WDR33: variants seen among roughly 807,000 people sequenced by gnomAD.
WDR33 encodes pre-mRNA 3' end processing protein WDR33.
WDR33 carries 47 observed loss-of-function variants against 164.9 expected under a neutral mutation model. The observed-to-expected ratio is 0.29, with a 90% CI of 0.23 to 0.36. WDR33 has a LOEUF of 0.36. Among genes scored for constraint, WDR33 ranks in the 10% least tolerant of loss-of-function variants. The pLI is 1.00. For missense variants in WDR33, 1,137 were observed against 1,754.1 expected, an observed-to-expected ratio of 0.65 and a Z score of 6.28; for synonymous variants, 505 against 589.0, an observed-to-expected ratio of 0.86 and a Z score of 2.06.
At position 127,703,949 on chromosome 2, in the gene WDR33, C is replaced by T. The variant is rs1384769248; in HGVS notation, c.*2374G>A. ...CCTGGGCAACACAGTTAAACCCCAT[C>T]GCCACAGAAAATCTTCAAAAAATTT... On this transcript the variant is annotated 3_prime_UTR_variant, in exon 22 of 22. Coordinates refer to ENST00000322313, the MANE Select transcript of WDR33 (RefSeq NM_018383.5). 6.0e-6 allele frequency: 1 copy of T among 166,768 alleles called. No homozygotes were observed. Among genetic ancestry groups the T allele is most frequent in the African/African-American group, 2.4e-5 (1 of 41,380 alleles). The allele number at this position is 166,768 out of a possible 1,614,324, so 10.3% of individuals were successfully genotyped here. A position where few individuals can be genotyped will look rare whatever the true frequency, so the allele number is the denominator to read the frequency against.
chr2:127,731,027 C>A (rs183883815), intron 7 of WDR33, among the ~76,000 whole-genome samples: 1 of 151,680 alleles, frequency 6.6e-6, no homozygotes, highest in Non-Finnish European at 1.5e-5. Flanking sequence ...GGCACGGTGG[C>A]GCATGCCTGT....
At chr2:127,760,986 C>T (rs1456826015) in intron 7 of WDR33, among the ~76,000 whole-genome samples, 1 of 152,132 alleles carries the variant, frequency 6.6e-6, no homozygotes, top group Non-Finnish European at 1.5e-5. Context: ...AAATACTTAA[C>T]TGCTAGTTAA....
chr2:127,760,529 A>G (rs1446324081), intron 7 of WDR33, among the ~76,000 whole-genome samples: 1 of 152,156 alleles, frequency 6.6e-6, no homozygotes, highest in Non-Finnish European at 1.5e-5. Context: ...ACCACTACCA[A>G]TCCACCAACC....
At chr2:127,806,245 T>C (rs1184917312) in intron 1 of WDR33, among the ~76,000 whole-genome samples, 1 of 150,418 alleles carries the variant, frequency 6.6e-6, no homozygotes, top group African/African-American at 2.4e-5. Context: ...TCTCGCTCTG[T>C]TGCCCTGGCT....
At chr2:127,751,191 T>A (rs1184643706) in intron 7 of WDR33, among the ~76,000 whole-genome samples, 2 of 151,658 alleles carry the variant, frequency 1.3e-5, no homozygotes, top group African/African-American at 2.4e-5. Context: ...TGAAACCCTA[T>A]CTCTACTAAA....
In WDR33 at chr2:127,725,173, G is replaced by T. The variant is rs1381177041; in HGVS notation, c.894C>A (p.Leu298=). The T allele has an allele frequency of 6.2e-7, 1 of 1,613,022 alleles. No individual in the cohort carries two copies. The highest frequency in any genetic ancestry group is 8.5e-7 in the Non-Finnish European group (1 of 1,179,826). The change falls in exon 9 of 22, where the codon CTC becomes CTA. Residue 298 remains leucine (L), a synonymous_variant. Coordinates refer to ENST00000322313, the MANE Select transcript of WDR33 (RefSeq NM_018383.5). ...ATGCTGTGAGTAGCCAATTGCCATTGAGGTTTAATTTCACTTCCATTACTG... is the reference window on the plus strand; with the variant it reads ...ATGCTGTGAGTAGCCAATTGCCATTTAGGTTTAATTTCACTTCCATTACTG... ...KNTVMEVKLN[L]NGNWLLTASR...
intron 1 of WDR33, among the ~76,000 whole-genome samples, chr2:127,805,858 C>T (rs978243507): frequency 6.6e-6 from 1 of 152,010 alleles, no homozygotes; most frequent in African/African-American, 2.4e-5. Flanking sequence ...CATCTGTATT[C>T]CCTGCCATAA....
chr2:127,725,248 A>T, intron 8 of WDR33, 33 bp from the exon 9 acceptor site: 1 of 1,569,796 alleles, frequency 6.4e-7, no homozygotes, highest in South Asian at 1.2e-5. Context: ...AAATGTCAGA[A>T]TTCAAAACAA....
intron 1 of WDR33, among the ~76,000 whole-genome samples, chr2:127,776,793 AG>A: frequency 6.6e-6 from 1 of 152,254 alleles, no homozygotes. Context: ...TGACCACGAC[AG>A]AAAGAACCAA....
In WDR33 at chr2:127,720,436, T is replaced by C; in HGVS notation, c.1672-83A>G. The C allele has an allele frequency of 7.0e-7, 1 of 1,430,068 alleles. No individual in the cohort carries two copies. 88.6% of individuals were successfully genotyped at this position (1,430,068 alleles called of 1,614,324 possible). ...GACAATATTGCTATCATGTATTCTG[T>C]TAGGGGACTCTCAAACATAAAAACT... On this transcript the variant is annotated intron_variant, in intron 15 of 21. Coordinates refer to ENST00000322313, the MANE Select transcript of WDR33 (RefSeq NM_018383.5). The surrounding 1 kb of genome is among the most constrained non-coding windows in gnomAD (Gnocchi z 5.9).
chr2:127,790,968 T>C (rs574024879), intron 1 of WDR33, among the ~76,000 whole-genome samples: 1 of 152,228 alleles, frequency 6.6e-6, no homozygotes, highest in African/African-American at 2.4e-5. Flanking sequence ...TCCCCCTCTT[T>C]CATTCCTGAT....
chr2:127,780,123 G>A (rs1688321145), intron 1 of WDR33, among the ~76,000 whole-genome samples: 2 of 151,926 alleles, frequency 1.3e-5, no homozygotes, highest in South Asian at 2.1e-4. Flanking sequence ...ACAGGCCCCC[G>A]CCACCACGCC....
At chr2:127,788,498 CG>C (rs1383625446) in intron 1 of WDR33, among the ~76,000 whole-genome samples, 1 of 116,756 alleles carries the variant, frequency 8.6e-6, no homozygotes, top group Non-Finnish European at 1.8e-5. Context: ...CCCTCCCGGA[CG>C]GGGCGGCTGG....
chr2:127,711,780 A>ATATATATATATATATATATATTTTTT, intron 18 of WDR33, among the ~76,000 whole-genome samples: 4 of 88,316 alleles, frequency 4.5e-5, no homozygotes, highest in African/African-American at 1.9e-4. Context: ...ATATATATAT[A>ATATATATATATATATATATATTTTTT]TTTTTTTTTT....
At chr2:127,780,043 G>A (rs13019876) in intron 1 of WDR33, among the ~76,000 whole-genome samples, 13 of 149,228 alleles carry the variant, frequency 8.7e-5, no homozygotes, top group Admixed American at 2.0e-4. Flanking sequence ...GTGCGATCTC[G>A]GCTCACTGCA....
intron 1 of WDR33, among the ~76,000 whole-genome samples, chr2:127,788,245 G>A (rs1468851270): frequency 5.9e-5 from 8 of 136,448 alleles, no homozygotes; most frequent in African/African-American, 8.8e-5. Flanking sequence ...CAGGCAGGGG[G>A]CTGACCCCCC....
In WDR33 at chr2:127,719,186, T is replaced by C; in HGVS notation, c.2760+79A>G. ...AGTATTTATATCCAGCTGTGACCATTTTCCACAATACTCAGCAGTATTACT... is the reference window on the plus strand; with the variant it reads ...AGTATTTATATCCAGCTGTGACCATCTTCCACAATACTCAGCAGTATTACT... On this transcript the variant is annotated intron_variant, in intron 16 of 21. Coordinates refer to ENST00000322313, the MANE Select transcript of WDR33 (RefSeq NM_018383.5). The surrounding 1 kb of genome is among the most constrained non-coding windows in gnomAD (Gnocchi z 6.5). 1 of 1,320,936 alleles carries C rather than the reference T, an allele frequency of 7.6e-7. No individual in the cohort carries two copies. The highest frequency in any genetic ancestry group is 2.9e-5 in the South Asian group (1 of 34,554). 81.8% of individuals were successfully genotyped at this position (1,320,936 alleles called of 1,614,324 possible).
In WDR33 at chr2:127,713,842, C is replaced by G. The variant is rs145331578; in HGVS notation, c.3049G>C (p.Asp1017His). The G allele has an allele frequency of 2.1e-4, 331 of 1,614,146 alleles. No homozygotes were observed. Among genetic ancestry groups the G allele is most frequent in the Non-Finnish European group, 2.7e-4 (314 of 1,180,050 alleles). Residue 1017 changes from aspartate to histidine, a missense_variant, in exon 18 of 22, where the codon GAT (aspartate) becomes CAT (histidine). Around this residue, in one of 9 missense-constraint regions of WDR33, gnomAD observed 867 missense variants for 1,073.0 expected, o/e 0.81. Coordinates refer to ENST00000322313, the MANE Select transcript of WDR33 (RefSeq NM_018383.5). This position sits in a 1 kb window ranked among gnomAD's most constrained non-coding sequence, Gnocchi z 6.2. ...PDFPDDFSRP[D>H]DFHPDKRFGH... is the part of the protein sequence containing the mutation. ...AAGCGCTTGTCAGGGTGGAAGTCAT[C>G]TGGTCTGCTGAAGTCATCGGGGAAG...
intron 1 of WDR33, among the ~76,000 whole-genome samples, chr2:127,796,554 T>C (rs780854999): frequency 6.6e-6 from 1 of 151,994 alleles, no homozygotes; most frequent in Non-Finnish European, 1.5e-5. Flanking sequence ...ACCCTGACTC[T>C]ACAAAAAAAT....
Sources: allele counts gnomAD v4.1 joint callset (sites outside exome capture counted in the v4.1 genomes callset), GRCh38; gene constraint gnomAD v4.1.1; regional missense constraint gnomAD v4.1.1; non-coding constraint Gnocchi (gnomAD v3.1); transcripts MANE v1.5; gene names NCBI Gene and HGNC (gene_info 2026-07-23, HGNC 2026-07-21).